SLC24A3: variants seen among roughly 807,000 people sequenced by gnomAD.
SLC24A3 encodes sodium/potassium/calcium exchanger 3.
SLC24A3 carries 28 observed loss-of-function variants against 75.8 expected under a neutral mutation model. That is an observed-to-expected ratio of 0.37 (90% CI 0.27 to 0.51). The LOEUF (loss-of-function observed/expected upper bound fraction) is 0.51, where lower values mean the gene tolerates loss of function less well. Ranked by LOEUF, SLC24A3 falls within the 20% of genes least tolerant of loss-of-function variation. SLC24A3 has a pLI of 0.94. For missense variants in SLC24A3, 663 were observed against 847.8 expected, an observed-to-expected ratio of 0.78 and a Z score of 2.71; for synonymous variants, 372 against 334.1, an observed-to-expected ratio of 1.11 and a Z score of -1.24.
chr20:19,629,483 C>A (rs995411072), intron 6 of SLC24A3, among the ~76,000 whole-genome samples: 1 of 152,128 alleles, frequency 6.6e-6, no homozygotes, highest in African/African-American at 2.4e-5. Context: ...GACAGAGAGC[C>A]TATTTGAAGA....
At chr20:19,263,031 CTTTGTGTGTGTG>C (rs1983042231) in intron 1 of SLC24A3, among the ~76,000 whole-genome samples, 1 of 95,178 alleles carries the variant, frequency 1.1e-5, no homozygotes, top group Non-Finnish European at 2.2e-5. Flanking sequence ...CCACTCCAGC[CTTTGTGTGTGTG>C]TGTGTGTGTG....
chr20:19,656,699 G>A (rs1255578225), intron 7 of SLC24A3, among the ~76,000 whole-genome samples: 2 of 152,200 alleles, frequency 1.3e-5, no homozygotes, highest in African/African-American at 2.4e-5. Flanking sequence ...AGAAGGAGAC[G>A]ACTGTGCTCA....
At chr20:19,528,607 C>T (rs185618221) in intron 3 of SLC24A3, among the ~76,000 whole-genome samples, 1 of 152,110 alleles carries the variant, frequency 6.6e-6, no homozygotes, top group South Asian at 2.1e-4. Context: ...CTGAAAGATA[C>T]CCTGCTGCTT....
intron 2 of SLC24A3, among the ~76,000 whole-genome samples, chr20:19,291,703 C>T (rs1377949533): frequency 6.6e-6 from 1 of 152,236 alleles, no homozygotes; most frequent in East Asian, 1.9e-4. Flanking sequence ...CCCAGTGGCT[C>T]ATCCATCCCT....
At chr20:19,312,779 G>T (rs2122263327) in intron 2 of SLC24A3, among the ~76,000 whole-genome samples, 1 of 152,248 alleles carries the variant, frequency 6.6e-6, no homozygotes, top group South Asian at 2.1e-4. Context: ...GGACTTAAAT[G>T]GAACCAGAGA....
At chr20:19,618,850 G>A (rs1346476135) in intron 6 of SLC24A3, among the ~76,000 whole-genome samples, 1 of 152,172 alleles carries the variant, frequency 6.6e-6, no homozygotes, top group Non-Finnish European at 1.5e-5. Flanking sequence ...TGATCCATGG[G>A]ATCGAGGCAT....
chr20:19,395,209 G>A (rs1986433724), intron 2 of SLC24A3, among the ~76,000 whole-genome samples: 1 of 152,182 alleles, frequency 6.6e-6, no homozygotes, highest in Admixed American at 6.5e-5. Flanking sequence ...GAGCTACCGT[G>A]TAATGGTCAT....
chr20:19,502,730 AT>A (rs1036181258), intron 2 of SLC24A3, among the ~76,000 whole-genome samples: 8 of 152,010 alleles, frequency 5.3e-5, no homozygotes, highest in African/African-American at 1.9e-4. Flanking sequence ...CAAATATATA[AT>A]AAAAAAAATT....
chr20:19,301,842 T>C (rs1182289296), intron 2 of SLC24A3, among the ~76,000 whole-genome samples: 3 of 152,194 alleles, frequency 2.0e-5, no homozygotes, highest in African/African-American at 7.2e-5. Context: ...TTTGAACAGC[T>C]TGTGAAAAGA....
In SLC24A3 at chr20:19,710,097, T is replaced by C. The variant is rs139834651; in HGVS notation, c.1720-7431T>C. On this transcript the variant is annotated intron_variant, in intron 15 of 16. Transcript: ENST00000328041. ...AACTACACCCAAACAAGTGTAAAAC[T>C]ACCCAAATAAGAAAATGTGAAATGA... Among the ~76,000 whole-genome samples the C allele has an allele frequency of 8.7e-4, 133 of 152,308 alleles. 1 individual carries two copies. In the East Asian group the frequency reaches 0.021, roughly 24 times the overall value.
At chr20:19,260,445 A>C (rs963617453) in intron 1 of SLC24A3, among the ~76,000 whole-genome samples, 5 of 152,250 alleles carry the variant, frequency 3.3e-5, no homozygotes, top group African/African-American at 1.2e-4. Context: ...CCTAGTACAC[A>C]TATTCCCTTG....
intron 1 of SLC24A3, among the ~76,000 whole-genome samples, chr20:19,267,782 T>TA (rs962099974): frequency 2.0e-5 from 3 of 152,150 alleles, no homozygotes; most frequent in Admixed American, 2.0e-4. Flanking sequence ...CACTGGTTGT[T>TA]AAAAAGTCAC....
intron 2 of SLC24A3, among the ~76,000 whole-genome samples, chr20:19,329,500 G>A (rs1263726316): frequency 6.6e-6 from 1 of 152,134 alleles, no homozygotes; most frequent in Non-Finnish European, 1.5e-5. Context: ...TATTCCTTGG[G>A]CACTTATAAA....
chr20:19,616,939 G>A (rs1008819858), intron 6 of SLC24A3, among the ~76,000 whole-genome samples: 5 of 152,098 alleles, frequency 3.3e-5, no homozygotes, highest in African/African-American at 9.7e-5. Flanking sequence ...AAGAACCATG[G>A]GCCAAACGCC....
At chr20:19,690,937 G>A (rs1033688614) in intron 12 of SLC24A3, among the ~76,000 whole-genome samples, 3 of 152,082 alleles carry the variant, frequency 2.0e-5, no homozygotes, top group African/African-American at 7.2e-5. Context: ...TCAAAACCAA[G>A]TAATTTTCTT....
chr20:19,541,202 A>G (rs1317266558), intron 3 of SLC24A3, among the ~76,000 whole-genome samples: 4 of 152,370 alleles, frequency 2.6e-5, no homozygotes, highest in African/African-American at 9.6e-5. Flanking sequence ...TTTCAGGCAG[A>G]AAAGAATGGC....
intron 2 of SLC24A3, among the ~76,000 whole-genome samples, chr20:19,310,828 A>G (rs1249299924): frequency 6.6e-6 from 1 of 152,204 alleles, no homozygotes; most frequent in African/African-American, 2.4e-5. Flanking sequence ...GCCACATTCA[A>G]CTTTTGGGGG....
intron 1 of SLC24A3, among the ~76,000 whole-genome samples, chr20:19,266,153 GA>G (rs908278233): frequency 1.3e-5 from 2 of 150,486 alleles, no homozygotes; most frequent in East Asian, 3.9e-4. Flanking sequence ...GGGCCAATAA[GA>G]AAAAAAAATG....
intron 2 of SLC24A3, among the ~76,000 whole-genome samples, chr20:19,483,629 G>A (rs1988089314): frequency 6.6e-6 from 1 of 152,164 alleles, no homozygotes; most frequent in Non-Finnish European, 1.5e-5. Flanking sequence ...CCAGAGTCAG[G>A]GCAACTGTGA....
Sources: gnomAD v4.1 joint callset for allele counts (sites outside exome capture counted in the v4.1 genomes callset) on GRCh38, gnomAD v4.1.1 for gene constraint, MANE v1.5 for transcripts, NCBI Gene and HGNC (gene_info 2026-07-23, HGNC 2026-07-21) for gene names.